Variants in NOS1 observed in about 807,000 individuals in gnomAD.
NOS1 encodes nitric oxide synthase 1.
NOS1 carries 51 observed loss-of-function variants against 164.5 expected under a neutral mutation model. That is an observed-to-expected ratio of 0.31 (90% CI 0.25 to 0.39). The LOEUF (loss-of-function observed/expected upper bound fraction) is 0.39. Among genes scored for constraint, NOS1 ranks in the 10% least tolerant of loss-of-function variants. The pLI is 1.00. For synonymous variants in NOS1, 719 were observed against 745.8 expected, an observed-to-expected ratio of 0.96 and a Z score of 0.59; for missense variants, 1,362 against 1,885.6, an observed-to-expected ratio of 0.72 and a Z score of 5.14.
chr12:117,349,434 G>A (rs1876514003), intron 1 of NOS1, among the ~76,000 whole-genome samples: 1 of 152,156 alleles, frequency 6.6e-6, no homozygotes, highest in Non-Finnish European at 1.5e-5. Context: ...AACACACATG[G>A]GAAAGTTTTT....
At chr12:117,282,130 T>C (rs1016323490) in intron 7 of NOS1, among the ~76,000 whole-genome samples, 1 of 152,100 alleles carries the variant, frequency 6.6e-6, no homozygotes, top group Non-Finnish European at 1.5e-5. Flanking sequence ...GGTCTCTATG[T>C]TAAAAGGGAG....
chr12:117,215,112 C>T lies in NOS1; in HGVS notation c.*197G>A, dbSNP rs959635183. ...ACTGCAGATTAGAAAAGCATTGCAT[C>T]GCAGCAGGAAAACTCAAGGAGTAAA... On this transcript the variant is annotated 3_prime_UTR_variant, in exon 29 of 29. Transcript: ENST00000317775. 1.7e-5 allele frequency: 22 copies of T among 1,279,566 alleles called. No homozygotes were observed. The highest frequency in any genetic ancestry group is 8.8e-5 in the East Asian group (3 of 33,978). 79.3% of individuals were successfully genotyped at this position (1,279,566 alleles called of 1,614,324 possible). A position where few individuals can be genotyped will look rare whatever the true frequency, so the allele number is the denominator to read the frequency against.
chr12:117,231,442 A>G (rs1869223815), intron 22 of NOS1, among the ~76,000 whole-genome samples: 1 of 152,196 alleles, frequency 6.6e-6, no homozygotes, highest in African/African-American at 2.4e-5. Context: ...TCCCAACACA[A>G]AGAAATGATG....
chr12:117,344,963 C>T (rs566920935), intron 1 of NOS1, among the ~76,000 whole-genome samples: 2 of 151,552 alleles, frequency 1.3e-5, no homozygotes, highest in Admixed American at 6.6e-5. Flanking sequence ...AGAGTCAGAA[C>T]GAAGATCAAA....
At chr12:117,265,544 A>T (rs1255170200) in intron 11 of NOS1, 34 bp from the exon 12 acceptor site, 1 of 1,421,456 alleles carries the variant, frequency 7.0e-7, no homozygotes, top group Admixed American at 2.6e-5. Context: ...GTCAGGAGGT[A>T]TGAGAAGCTG....
chr12:117,322,927 G>A (rs548013651), intron 2 of NOS1, among the ~76,000 whole-genome samples: 1 of 144,978 alleles, frequency 6.9e-6, no homozygotes, highest in African/African-American at 2.6e-5. Flanking sequence ...CTACCCTGGG[G>A]TCAAGCTTGG....
chr12:117,341,101 C>G (rs1209834146), intron 1 of NOS1, among the ~76,000 whole-genome samples: 1 of 152,144 alleles, frequency 6.6e-6, no homozygotes, highest in Middle Eastern at 3.4e-3. Context: ...CTTTTACCAC[C>G]ACTATTACTA....
chr12:117,255,361 C>A (rs550313980), intron 16 of NOS1, among the ~76,000 whole-genome samples: 16 of 152,066 alleles, frequency 1.1e-4, no homozygotes, highest in African/African-American at 3.9e-4. Context: ...GCAAACCCAA[C>A]ACACAAATCT....
At chr12:117,358,607 C>T (rs1016848739) in intron 1 of NOS1, among the ~76,000 whole-genome samples, 1 of 152,202 alleles carries the variant, frequency 6.6e-6, no homozygotes, top group Non-Finnish European at 1.5e-5. Context: ...TTCAAAACAG[C>T]CCCGTGTGGG....
intron 28 of NOS1, among the ~76,000 whole-genome samples, chr12:117,216,902 A>G (rs1317581417): frequency 6.6e-6 from 1 of 152,178 alleles, no homozygotes; most frequent in Middle Eastern, 3.2e-3. Context: ...AAGATGCCAA[A>G]TTCAAGAAAT....
At chr12:117,284,820 C>G (rs1181696808) in intron 7 of NOS1, among the ~76,000 whole-genome samples, 1 of 151,854 alleles carries the variant, frequency 6.6e-6, no homozygotes, top group Non-Finnish European at 1.5e-5. Context: ...GAGGCCGAGG[C>G]GGGTGGAGCA....
rs2136018095 is a variant in NOS1 at position 117,285,261 on chromosome 12, G to T, written c.1362C>A (p.Ala454=). 1.2e-6 allele frequency: 2 copies of T among 1,610,854 alleles called. No homozygotes were observed. The highest frequency in any genetic ancestry group is 2.2e-5 in the East Asian group (1 of 44,726). The stretch of plus-strand genomic sequence containing the variant: ...CTCACCTGAGGTTCCCTTTGTTGGT[G>T]GCATACTTGACATGGTTACAGATGT... The part of the protein sequence containing the change: ...FNYICNHVKY[A]TNKGNLRSAI... Residue 454 remains alanine (A), a synonymous_variant, in exon 7 of 29, where the codon GCC becomes GCA. Transcript: ENST00000317775.
intron 1 of NOS1, among the ~76,000 whole-genome samples, chr12:117,335,729 TGAGAGAGAGAGAGAGAGAGAGAGA>T (rs60613906): frequency 2.5e-3 from 276 of 112,602 alleles, no homozygotes; most frequent in African/African-American, 9.6e-3. Context: ...ACAGACTATA[TGAGAGAGAGAGAGAGAGAGAGAGA>T]GAGAGAGAGA....
intron 12 of NOS1, among the ~76,000 whole-genome samples, chr12:117,264,685 T>A (rs1334655104): frequency 2.3e-5 from 3 of 129,168 alleles, no homozygotes; most frequent in African/African-American, 8.6e-5. Flanking sequence ...CCCCTCTTCA[T>A]CCTCCCCATC....
In NOS1 at chr12:117,234,875, C is replaced by T; in HGVS notation, c.3042-117G>A. ...CTCCTCCTTCCATTCTTGTTGGGGCCCGTGCTAACCAAGCCTATGCCCCCA... is the reference window on the plus strand; with the variant it reads ...CTCCTCCTTCCATTCTTGTTGGGGCTCGTGCTAACCAAGCCTATGCCCCCA... On this transcript the variant is annotated intron_variant, in intron 20 of 28. Transcript: ENST00000317775. This position sits in a 1 kb window ranked among gnomAD's most constrained non-coding sequence, Gnocchi z 4.3. The T allele has an allele frequency of 2.8e-6, 2 of 725,914 alleles. No individual in the cohort carries two copies. The allele number at this position is 725,914 out of a possible 1,614,324, so 45.0% of individuals were successfully genotyped here.
At chr12:117,347,027 C>T (rs996520757) in intron 1 of NOS1, among the ~76,000 whole-genome samples, 1 of 152,114 alleles carries the variant, frequency 6.6e-6, no homozygotes, top group African/African-American at 2.4e-5. Context: ...TGGCTCACAC[C>T]TGTAATCCCA....
At chr12:117,217,920 G>A (rs1956636782) in intron 28 of NOS1, 126 bp downstream of exon 28, 10 of 717,982 alleles carry the variant, frequency 1.4e-5, no homozygotes, top group Middle Eastern at 4.0e-4. Flanking sequence ...TTTTGAACAC[G>A]TTCCCAGATG....
chr12:117,240,778 C>CACA (rs1217553421), intron 20 of NOS1, among the ~76,000 whole-genome samples: 2 of 152,198 alleles, frequency 1.3e-5, no homozygotes, highest in Non-Finnish European at 2.9e-5. Context: ...ACTCAGACCA[C>CACA]CTAAATGACT....
intron 2 of NOS1, among the ~76,000 whole-genome samples, chr12:117,326,527 C>T (rs768392186): frequency 3.3e-5 from 5 of 152,204 alleles, no homozygotes; most frequent in Non-Finnish European, 7.3e-5. Context: ...GTGGGTTTCA[C>T]AGAGCCCTGT....
Sources: allele counts gnomAD v4.1 joint callset (sites outside exome capture counted in the v4.1 genomes callset), GRCh38; gene constraint gnomAD v4.1.1; non-coding constraint Gnocchi (gnomAD v3.1); transcripts MANE v1.5; gene names NCBI Gene and HGNC (gene_info 2026-07-23, HGNC 2026-07-21).